Variants in CCNJL observed in about 807,000 individuals in gnomAD.
CCNJL encodes the protein cyclin J like.
Under a neutral mutation model 33.4 loss-of-function variants are expected in CCNJL, and 33 were observed. That is an observed-to-expected ratio of 0.99 (90% confidence interval 0.75 to 1.32). The LOEUF (loss-of-function observed/expected upper bound fraction) is 1.32, where lower values mean the gene tolerates loss of function less well. Ranked by LOEUF, CCNJL falls within the 40% of genes most tolerant of loss-of-function variation. CCNJL has a pLI of 0.00. For missense variants in CCNJL, 512 were observed against 499.7 expected (o/e 1.02, Z -0.23); for synonymous variants, 227 against 220.9 (o/e 1.03, Z -0.24).
intron 1 of CCNJL, among the ~76,000 whole-genome samples, chr5:160,321,044 TTC>T (rs1664048507): frequency 3.6e-5 from 4 of 110,542 alleles, no homozygotes; most frequent in Admixed American, 8.9e-5. Flanking sequence ...CTTTCTTTCT[TTC>T]TTTCTTTCTT....
intron 2 of CCNJL, chr5:160,281,391 C>A (rs1182714336): frequency 6.4e-6 from 1 of 156,234 alleles, no homozygotes; most frequent in Non-Finnish European, 1.4e-5. Context: ...TTTTTCTCTA[C>A]ATGCATATAC....
At chr5:160,287,335 C>T (rs1181981773) in intron 2 of CCNJL, among the ~76,000 whole-genome samples, 1 of 152,192 alleles carries the variant, frequency 6.6e-6, no homozygotes. Flanking sequence ...GAGAAATGTG[C>T]AATGAGGCTT....
chr5:160,305,746 G>T (rs1763075239), intron 2 of CCNJL, among the ~76,000 whole-genome samples: 1 of 152,314 alleles, frequency 6.6e-6, no homozygotes, highest in South Asian at 2.1e-4. Flanking sequence ...ATTCCTGTGA[G>T]CCTTGCAGTT....
intron 2 of CCNJL, among the ~76,000 whole-genome samples, chr5:160,282,976 T>TATATATATATATAC (rs1346150435): frequency 8.0e-5 from 4 of 49,822 alleles, no homozygotes; most frequent in Non-Finnish European, 1.4e-4. Context: ...AATATATATA[T>TATATATATATATAC]ATATATATAT....
chr5:160,321,006 CTCTCTCTCTTTCTTTCTTTCTTTCTT>C lies in CCNJL; in HGVS notation n.207-5527_207-5502del, dbSNP rs1243424781. On this transcript the variant is annotated intron_variant and non_coding_transcript_variant, in intron 1 of 7. Transcript: ENST00000377503. Reference sequence around the variant, plus strand: ...TCTCTCTTTCTTTCTTTCTCTCTCTCTCTCTCTCTTTCTTTCTTTCTTTCTTTCTTTCTTTCTTTCTTTCTTTCTTT... The same window carrying C: ...TCTCTCTTTCTTTCTTTCTCTCTCTCTCTTTCTTTCTTTCTTTCTTTCTTT... Among the ~76,000 whole-genome samples, 152 of 100,664 alleles carry C rather than the reference CTCTCTCTCTTTCTTTCTTTCTTTCTT, an allele frequency of 1.5e-3. 8 individuals are homozygous for C. The highest frequency in any genetic ancestry group is 8.2e-3 in the African/African-American group (138 of 16,796). 66.0% of individuals were successfully genotyped at this position (100,664 alleles called of 152,430 possible). A position where few individuals can be genotyped will look rare whatever the true frequency, so the allele number is the denominator to read the frequency against.
chr5:160,307,018 A>G (rs918781423), intron 2 of CCNJL, among the ~76,000 whole-genome samples: 7 of 152,252 alleles, frequency 4.6e-5, no homozygotes, highest in Non-Finnish European at 7.3e-5. Context: ...GCTGGGCACC[A>G]CAGTCAATGC....
intron 2 of CCNJL, chr5:160,281,453 G>A (rs1161455292): frequency 6.5e-6 from 1 of 153,054 alleles, no homozygotes; most frequent in East Asian, 1.9e-4. Context: ...CACACCCCTG[G>A]GAGGTGACTA....
At chr5:160,270,646 T>G (rs1287136549) in intron 3 of CCNJL, among the ~76,000 whole-genome samples, 1 of 152,152 alleles carries the variant, frequency 6.6e-6, no homozygotes, top group Non-Finnish European at 1.5e-5. Flanking sequence ...AGGCTAGGAT[T>G]TACCCTCCAC....
At chr5:160,319,933 T>A (rs72814317) in intron 1 of CCNJL, among the ~76,000 whole-genome samples, 15,499 of 150,516 alleles carry the variant, frequency 0.1, 865 homozygotes, top group South Asian at 0.19. Context: ...AAATAAATAA[T>A]AAATAAATAA....
At chr5:160,276,778 T>C (rs1762028109) in intron 3 of CCNJL, among the ~76,000 whole-genome samples, 1 of 146,774 alleles carries the variant, frequency 6.8e-6, no homozygotes, top group South Asian at 2.2e-4. Context: ...GCATGAATTT[T>C]ATCTCTCTTT....
intron 3 of CCNJL, among the ~76,000 whole-genome samples, chr5:160,269,236 A>G (rs2113295112): frequency 6.6e-6 from 1 of 152,312 alleles, no homozygotes; most frequent in East Asian, 1.9e-4. Context: ...CTGCGGCCTC[A>G]GGCAACCCCT....
At chr5:160,322,425 T>C (rs1763481830) in intron 1 of CCNJL, among the ~76,000 whole-genome samples, 1 of 152,186 alleles carries the variant, frequency 6.6e-6, no homozygotes, top group African/African-American at 2.4e-5. Flanking sequence ...GGGATAATAA[T>C]AGTACTGCCT....
At chr5:160,254,823 G>C (rs1437932747) in intron 5 of CCNJL, 1 of 153,470 alleles carries the variant, frequency 6.5e-6, no homozygotes, top group East Asian at 1.9e-4. Flanking sequence ...AAGATTCCCA[G>C]GGACCCTTGC....
rs140569834 is a variant in CCNJL, at chr5:160,320,741, C to G, written n.207-5236G>C. Among the ~76,000 whole-genome samples, 282 of 152,342 alleles carry G rather than the reference C, an allele frequency of 1.9e-3. 3 individuals carry two copies. Among genetic ancestry groups the G allele is most frequent in the African/African-American group, 6.3e-3 (262 of 41,562 alleles). ...TGAGATATCTCCTGATTTTAAAATACTGGCTTGACTTTGCCTCTTTCTTTT... is the reference window on the plus strand; with the variant it reads ...TGAGATATCTCCTGATTTTAAAATAGTGGCTTGACTTTGCCTCTTTCTTTT... On this transcript the variant is annotated intron_variant and non_coding_transcript_variant, in intron 1 of 7. Coordinates refer to the CCNJL transcript ENST00000377503.
At position 160,252,361 on chromosome 5, in the gene CCNJL, A is replaced by G. The variant is rs907617865; in HGVS notation, c.*1017T>C. On this transcript the variant is annotated 3_prime_UTR_variant, in exon 6 of 6. Transcript: ENST00000257536. ...ACATTGCTATCCTTCGCTATCAGCC[A>G]CACTCAAAGCCTAGACTGGGTTAAA... 2 of 152,492 alleles carry G rather than the reference A, an allele frequency of 1.3e-5. No individual in the cohort carries two copies. Among genetic ancestry groups the G allele is most frequent in the African/African-American group, 4.8e-5 (2 of 41,450 alleles). The allele number at this position is 152,492 out of a possible 1,614,324, so 9.4% of individuals were successfully genotyped here.
Position 160,253,686 on chromosome 5 carries a change from G to A in CCNJL, c.856C>T (p.Pro286Ser). The A allele has an allele frequency of 6.2e-7, 1 of 1,607,618 alleles. No homozygotes were observed. The highest frequency in any genetic ancestry group is 8.5e-7 in the Non-Finnish European group (1 of 1,176,310). Residue 286 changes from proline (P) to serine (S), a missense_variant, in exon 6 of 6, where the codon CCG becomes TCG. Pro to Ser is a moderately conservative substitution (Grantham distance 74). Transcript: ENST00000257536. ...TQVLFQPPAY[P>S]ALGQPATTLA... Reference sequence around the variant, plus strand: ...GTGGTCGCTGGCTGGCCGAGGGCCGGGTAGGCTGGTGGCTGGAACAGCACT... The same window carrying A: ...GTGGTCGCTGGCTGGCCGAGGGCCGAGTAGGCTGGTGGCTGGAACAGCACT...
At chr5:160,256,335 C>T (rs1056013559) in intron 4 of CCNJL, among the ~76,000 whole-genome samples, 1 of 152,192 alleles carries the variant, frequency 6.6e-6, no homozygotes, top group Non-Finnish European at 1.5e-5. Flanking sequence ...GAGAATGACA[C>T]ACTATTTCAA....
chr5:160,259,797 G>GTT (rs1561773292), intron 3 of CCNJL, 26 bp from the exon 4 acceptor site: 1 of 1,573,754 alleles, frequency 6.4e-7, no homozygotes, highest in Non-Finnish European at 8.6e-7. Context: ...GGAAGCAGGG[G>GTT]TTACTGGAAG....
intron 2 of CCNJL, chr5:160,280,962 G>A (rs1762190837): frequency 1.6e-6 from 1 of 640,710 alleles, no homozygotes; most frequent in South Asian, 1.7e-5. Context: ...GAGGATGACA[G>A]AGGAAGCCAG....
Sources: allele counts gnomAD v4.1 joint callset (sites outside exome capture counted in the v4.1 genomes callset), GRCh38; gene constraint gnomAD v4.1.1; transcripts MANE v1.5; gene names NCBI Gene and HGNC (gene_info 2026-07-23, HGNC 2026-07-21).